Variants in RTTN observed in about 807,000 individuals in gnomAD.
RTTN encodes rotatin.
A neutral mutation model predicts 269.2 loss-of-function variants in RTTN; 182 were observed. The ratio of observed to expected loss-of-function variants is 0.68; its 90% CI spans 0.60 to 0.76. The LOEUF is 0.76. Among genes scored for constraint, RTTN ranks in the 30% least tolerant of loss-of-function variants. The pLI, the probability that RTTN is intolerant of heterozygous loss-of-function variation, is 0.00. For missense variants in RTTN, 2,545 were observed against 2,608.6 expected, an observed-to-expected ratio of 0.98 and a Z score of 0.53; for synonymous variants, 1,006 against 963.5, an observed-to-expected ratio of 1.04 and a Z score of -0.82.
chr18:70,062,000 T>C (rs529199834), intron 35 of RTTN, among the ~76,000 whole-genome samples: 8 of 152,338 alleles, frequency 5.3e-5, no homozygotes, highest in Admixed American at 1.3e-4. Flanking sequence ...CTTATTTGCC[T>C]TGCCTTATGA....
At chr18:70,011,985 T>A (rs2056390561) in intron 46 of RTTN, among the ~76,000 whole-genome samples, 3 of 149,280 alleles carry the variant, frequency 2.0e-5, no homozygotes, top group South Asian at 2.2e-4. Context: ...CTGGTATTGG[T>A]TAGAGGGCAG....
At chr18:70,130,575 A>G (rs978306929) in intron 23 of RTTN, 4 of 151,684 alleles carry the variant, frequency 2.6e-5, no homozygotes, top group Non-Finnish European at 5.9e-5. Flanking sequence ...GGGAGCTAAA[A>G]AAAAAAAAAA....
chr18:70,172,974 G>A (rs2145953093), intron 11 of RTTN, among the ~76,000 whole-genome samples: 1 of 152,246 alleles, frequency 6.6e-6, no homozygotes, highest in East Asian at 1.9e-4. Context: ...CCTTTCTTAA[G>A]AGACTGGAAT....
chr18:70,062,412 C>A (rs1172405497), intron 35 of RTTN, among the ~76,000 whole-genome samples: 1 of 152,092 alleles, frequency 6.6e-6, no homozygotes. Flanking sequence ...TAATCTCATT[C>A]ATTTCCAGCT....
intron 35 of RTTN, chr18:70,061,289 T>A: frequency 2.2e-6 from 1 of 454,464 alleles, no homozygotes; most frequent in Non-Finnish European, 4.4e-6. Flanking sequence ...AACACCTCCA[T>A]TAACCTTTGA....
chr18:70,104,007 T>C (rs535527539), intron 28 of RTTN, among the ~76,000 whole-genome samples: 2 of 152,288 alleles, frequency 1.3e-5, no homozygotes, highest in South Asian at 4.1e-4. Context: ...TGGCGTTCTC[T>C]GTATTTCCTG....
intron 28 of RTTN, among the ~76,000 whole-genome samples, chr18:70,107,906 A>C (rs908938664): frequency 1.3e-5 from 2 of 152,256 alleles, no homozygotes; most frequent in African/African-American, 4.8e-5. Context: ...AAAAGTTTTT[A>C]AGTTCTACAA....
chr18:70,162,725 C>A (rs185954349), intron 14 of RTTN, among the ~76,000 whole-genome samples: 1,869 of 151,682 alleles, frequency 0.012, 22 homozygotes, highest in South Asian at 0.037. Flanking sequence ...GGTGGGGACA[C>A]AAAGACAAAC....
At chr18:70,110,644 C>T (rs770386872) in intron 27 of RTTN, among the ~76,000 whole-genome samples, 2 of 152,210 alleles carry the variant, frequency 1.3e-5, no homozygotes, top group African/African-American at 2.4e-5. Context: ...TGGGCAGACA[C>T]CAAACAAGCT....
At chr18:70,173,357 GTGGGGCAC>G (rs1386730228) in intron 11 of RTTN, among the ~76,000 whole-genome samples, 5 of 151,986 alleles carry the variant, frequency 3.3e-5, no homozygotes, top group Non-Finnish European at 7.4e-5. Flanking sequence ...GCCGGGCATG[GTGGGGCAC>G]ACCTGCAATC....
At chr18:70,108,462 G>A (rs1261343865) in intron 28 of RTTN, among the ~76,000 whole-genome samples, 1 of 152,062 alleles carries the variant, frequency 6.6e-6, no homozygotes, top group Non-Finnish European at 1.5e-5. Flanking sequence ...AAAAAGTCAC[G>A]TTCTTACAAT....
chr18:70,158,607 G>C (rs1409314983), intron 14 of RTTN, among the ~76,000 whole-genome samples: 1 of 152,132 alleles, frequency 6.6e-6, no homozygotes, highest in Admixed American at 6.5e-5. Context: ...TACTGACCTT[G>C]AACATAAACG....
At chr18:70,160,994 C>T (rs138331890) in intron 14 of RTTN, among the ~76,000 whole-genome samples, 119 of 152,182 alleles carry the variant, frequency 7.8e-4, no homozygotes, top group African/African-American at 2.5e-3. Flanking sequence ...TAGAAAAAAC[C>T]ATTCTAAAAT....
chr18:70,073,888 T>C lies in RTTN; in HGVS notation c.4653+18A>G, dbSNP rs768245345. The C allele has an allele frequency of 8.3e-6, 13 of 1,572,412 alleles. No individual in the cohort carries two copies. Among genetic ancestry groups the C allele is most frequent in the East Asian group, 2.2e-5 (1 of 44,608 alleles). ...TCAGAGATTCAAAATAAAGGACTTA[T>C]GCATTCTTTGCAAGTACCGTTGTTT... On this transcript the variant is annotated intron_variant, in intron 34 of 48. Coordinates refer to ENST00000640769, the MANE Select transcript of RTTN (RefSeq NM_173630.4).
At chr18:70,032,302 G>A (rs1260717099) in intron 40 of RTTN, among the ~76,000 whole-genome samples, 1 of 152,100 alleles carries the variant, frequency 6.6e-6, no homozygotes, top group East Asian at 1.9e-4. Flanking sequence ...CCCAGGTACG[G>A]GCCCATACGG....
At chr18:70,125,437 C>G (rs1196203293) in intron 25 of RTTN, among the ~76,000 whole-genome samples, 1 of 151,984 alleles carries the variant, frequency 6.6e-6, no homozygotes, top group African/African-American at 2.4e-5. Context: ...CATACACACT[C>G]ACTCCTAAAA....
At chr18:70,106,708 G>C (rs1213794792) in intron 28 of RTTN, among the ~76,000 whole-genome samples, 1 of 151,734 alleles carries the variant, frequency 6.6e-6, no homozygotes, top group Non-Finnish European at 1.5e-5. Context: ...AAAAAAAAGA[G>C]GTTTGGATTG....
chr18:70,079,409 C>T (rs1314554058), intron 32 of RTTN, among the ~76,000 whole-genome samples: 1 of 152,046 alleles, frequency 6.6e-6, no homozygotes, highest in African/African-American at 2.4e-5. Flanking sequence ...ATAATGGAGC[C>T]AAGCCCAGGA....
intron 28 of RTTN, among the ~76,000 whole-genome samples, chr18:70,097,004 GATATCT>G (rs2059021340): frequency 6.6e-6 from 1 of 152,174 alleles, no homozygotes; most frequent in Non-Finnish European, 1.5e-5. Context: ...CATCTTTGGA[GATATCT>G]AACATCTGTG....
Sources: allele counts gnomAD v4.1 joint callset (sites outside exome capture counted in the v4.1 genomes callset), GRCh38; gene constraint gnomAD v4.1.1; transcripts MANE v1.5; gene names NCBI Gene and HGNC (gene_info 2026-07-23, HGNC 2026-07-21).